Variants in FAAH2 observed in about 807,000 individuals in gnomAD.
FAAH2 encodes the protein fatty acid amide hydrolase 2.
A neutral mutation model predicts 36.9 loss-of-function variants in FAAH2; 60 were observed. That is an observed-to-expected ratio of 1.63 (90% CI 1.32 to 2.02). The LOEUF (loss-of-function observed/expected upper bound fraction) is 2.02. FAAH2 is among the 30% of genes most tolerant of loss of function. The probability of loss-of-function intolerance (pLI) is 0.00; values close to 1 mark genes in which losing one functional copy is unlikely to be tolerated. For synonymous variants in FAAH2, 214 were observed against 143.8 expected (o/e 1.49, Z -3.49); for missense variants, 689 against 397.5 (o/e 1.73, Z -6.23).
the FAAH2 span, among the ~76,000 whole-genome samples, chrX:57,130,292 A>G: frequency 8.9e-6 from 1 of 112,485 alleles, no homozygotes. Flanking sequence ...AGTTCGGGCT[A>G]TTGTATGGAG....
At chrX:57,431,687 A>G (rs1421159291) in intron 7 of FAAH2, among the ~76,000 whole-genome samples, 1 of 111,117 alleles carries the variant, frequency 9.0e-6, no homozygotes, top group African/African-American at 3.3e-5. Flanking sequence ...TGGTTGCTTC[A>G]GCTTCTTAGC....
chrX:57,151,907 T>C, the FAAH2 span, among the ~76,000 whole-genome samples: 1 of 111,593 alleles, frequency 9.0e-6, no homozygotes, highest in East Asian at 2.8e-4. Context: ...TTTTGGTCTT[T>C]GATGATGCTG....
chrX:57,401,576 A>T (rs185374475), intron 7 of FAAH2, among the ~76,000 whole-genome samples: 28 of 111,417 alleles, frequency 2.5e-4, no homozygotes, highest in Non-Finnish European at 4.3e-4. Context: ...CTAAAATTGG[A>T]GTATTGCAGG....
chrX:57,369,426 A>C (rs147393958), intron 5 of FAAH2, among the ~76,000 whole-genome samples: 1,744 of 111,411 alleles, frequency 0.016, 17 homozygotes, highest in Middle Eastern at 0.041. Flanking sequence ...GAGGCCTGTT[A>C]TAATCACACT....
intron 3 of FAAH2, among the ~76,000 whole-genome samples, chrX:57,316,623 G>A (rs1275485543): frequency 1.8e-5 from 2 of 110,957 alleles, no homozygotes; most frequent in Non-Finnish European, 3.8e-5. Flanking sequence ...AGCAATGGGG[G>A]AAGGACTCCC....
intron 10 of FAAH2, 103 bp downstream of exon 10, chrX:57,448,821 T>C: frequency 3.8e-6 from 3 of 786,308 alleles, no homozygotes; most frequent in Non-Finnish European, 5.6e-6. Context: ...GTTTTAAACA[T>C]GCAGGTATAA....
intron 8 of FAAH2, among the ~76,000 whole-genome samples, chrX:57,434,559 G>A (rs2056371191): frequency 1.8e-5 from 2 of 109,152 alleles, no homozygotes; most frequent in Admixed American, 1.0e-4. Flanking sequence ...GAAGACTCTC[G>A]AAATATGAAG....
intron 7 of FAAH2, among the ~76,000 whole-genome samples, chrX:57,391,484 T>C (rs1202020994): frequency 8.1e-5 from 9 of 111,123 alleles, no homozygotes; most frequent in Non-Finnish European, 1.7e-4. Flanking sequence ...AGTTCATTTT[T>C]GTATATGGTG....
At chrX:57,185,037 G>C in the FAAH2 span, among the ~76,000 whole-genome samples, 8 of 111,029 alleles carry the variant, frequency 7.2e-5, no homozygotes, top group Non-Finnish European at 1.5e-4. Context: ...CATCAGTAAA[G>C]TGGGGTATCC....
At chrX:57,181,438 C>A in the FAAH2 span, among the ~76,000 whole-genome samples, 1 of 110,694 alleles carries the variant, frequency 9.0e-6, no homozygotes, top group Non-Finnish European at 1.9e-5. Context: ...TTTAATATAC[C>A]ACCAACAGCC....
At chrX:57,171,404 C>T in the FAAH2 span, among the ~76,000 whole-genome samples, 1 of 112,097 alleles carries the variant, frequency 8.9e-6, no homozygotes, top group African/African-American at 3.2e-5. Flanking sequence ...CTTTTTACCA[C>T]ATCCATGCCA....
intron 7 of FAAH2, among the ~76,000 whole-genome samples, chrX:57,420,212 G>T (rs754465271): frequency 4.6e-4 from 46 of 100,061 alleles, no homozygotes; most frequent in African/African-American, 1.5e-3. Flanking sequence ...GCTCTTTTTT[G>T]GTTCCATATG....
intron 8 of FAAH2, among the ~76,000 whole-genome samples, chrX:57,444,776 A>G (rs1490029089): frequency 8.9e-6 from 1 of 112,151 alleles, no homozygotes; most frequent in Non-Finnish European, 1.9e-5. Context: ...TATTTGTTTA[A>G]TAATGCATTT....
At chrX:57,228,791 CA>C in the FAAH2 span, among the ~76,000 whole-genome samples, 1 of 111,741 alleles carries the variant, frequency 8.9e-6, no homozygotes, top group Non-Finnish European at 1.9e-5. Context: ...ATTCCGGTAA[CA>C]AAACTCTTTA....
At position 57,447,096 on chromosome X, in the gene FAAH2, T is replaced by C. The variant is rs1056478786; in HGVS notation, c.1228+57T>C. 5 of 917,993 alleles carry C rather than the reference T, an allele frequency of 5.4e-6. No homozygotes were observed. In the African/African-American group the frequency reaches 8.2e-5, roughly 15 times the overall value. 75.7% of individuals were successfully genotyped at this position (917,993 alleles called of 1,213,427 possible). A position where few individuals can be genotyped will look rare whatever the true frequency, so the allele number is the denominator to read the frequency against. ...TGATGTCCTGTAATATTTCTTAATA[T>C]CTAAATATAAATTTTGGACTAAAGG... is the stretch of plus-strand genomic sequence containing the variant. On this transcript the variant is annotated intron_variant, in intron 9 of 10. Coordinates refer to ENST00000374900, the MANE Select transcript of FAAH2 (RefSeq NM_174912.4).
chrX:57,243,379 G>A, the FAAH2 span, among the ~76,000 whole-genome samples: 1 of 112,351 alleles, frequency 8.9e-6, no homozygotes, highest in East Asian at 2.8e-4. Flanking sequence ...ACATCTCCCA[G>A]CACAGCACTC....
chrX:57,469,569 C>G (rs945998634), intron 10 of FAAH2, among the ~76,000 whole-genome samples: 2 of 111,895 alleles, frequency 1.8e-5, no homozygotes, highest in African/African-American at 6.5e-5. Context: ...TACATCTGCA[C>G]CCAATACAGG....
intron 7 of FAAH2, among the ~76,000 whole-genome samples, chrX:57,419,452 A>T: frequency 8.9e-6 from 1 of 111,788 alleles, no homozygotes; most frequent in Non-Finnish European, 1.9e-5. Flanking sequence ...TTTGATTTGC[A>T]TTTCTCTGAT....
At chrX:57,312,599 G>A (rs1316786172) in intron 3 of FAAH2, among the ~76,000 whole-genome samples, 1 of 109,469 alleles carries the variant, frequency 9.1e-6, no homozygotes, top group Non-Finnish European at 1.9e-5. Context: ...AGAATCGCTT[G>A]AACCTAGGAG....
Sources: allele counts gnomAD v4.1 joint callset (sites outside exome capture counted in the v4.1 genomes callset), GRCh38; gene constraint gnomAD v4.1.1; transcripts MANE v1.5; gene names NCBI Gene and HGNC (gene_info 2026-07-23, HGNC 2026-07-21).